CLVS1: variants seen among roughly 807,000 people sequenced by gnomAD.
The protein encoded by CLVS1 is clavesin 1.
In CLVS1, 10 loss-of-function variants were observed where a neutral mutation model predicts 33.1. The ratio of observed to expected loss-of-function variants is 0.30; its 90% CI spans 0.19 to 0.51. The LOEUF (loss-of-function observed/expected upper bound fraction) is 0.51, where lower values mean the gene tolerates loss of function less well. Ranked by LOEUF, CLVS1 falls within the 20% of genes least tolerant of loss-of-function variation. CLVS1 has a pLI of 0.97. For synonymous variants in CLVS1, 163 were observed against 166.1 expected (o/e 0.98, Z 0.14); for missense variants, 343 against 433.4 (o/e 0.79, Z 1.85).
chr8:61,092,976 A>G (rs536847443), intron 1 of CLVS1, among the ~76,000 whole-genome samples: 18 of 152,284 alleles, frequency 1.2e-4, no homozygotes, highest in African/African-American at 4.3e-4. Context: ...CATCCCAGAC[A>G]ACATGGGGGA....
At chr8:61,425,200 T>G (rs1815835850) in intron 3 of CLVS1, among the ~76,000 whole-genome samples, 1 of 152,220 alleles carries the variant, frequency 6.6e-6, no homozygotes, top group African/African-American at 2.4e-5. Context: ...ACACAAAATA[T>G]TTTTAATAAG....
chr8:61,309,694 C>T (rs73682217), intron 2 of CLVS1, among the ~76,000 whole-genome samples: 3,947 of 152,260 alleles, frequency 0.026, 167 homozygotes, highest in African/African-American at 0.089. Context: ...AAGACAGCAG[C>T]TTCTTCAAAT....
the CLVS1 span, among the ~76,000 whole-genome samples, chr8:60,974,198 T>C: frequency 3.9e-5 from 6 of 152,252 alleles, no homozygotes; most frequent in African/African-American, 1.4e-4. Flanking sequence ...AAATAGTTTT[T>C]TTTAAGCCTC....
At chr8:60,995,456 A>G in the CLVS1 span, among the ~76,000 whole-genome samples, 1 of 150,828 alleles carries the variant, frequency 6.6e-6, no homozygotes, top group Non-Finnish European at 1.5e-5. Context: ...TCAAAACCAC[A>G]ATGAGATACC....
chr8:61,440,930 T>C (rs1457758850), intron 3 of CLVS1, among the ~76,000 whole-genome samples: 2 of 152,196 alleles, frequency 1.3e-5, no homozygotes, highest in Non-Finnish European at 2.9e-5. Context: ...TTCTCTCTTA[T>C]GTTTGCTCTC....
chr8:61,367,843 A>G (rs1813275738), intron 2 of CLVS1, among the ~76,000 whole-genome samples: 1 of 152,226 alleles, frequency 6.6e-6, no homozygotes, highest in African/African-American at 2.4e-5. Context: ...ATTTCCATCT[A>G]CTGGCAGGAA....
chr8:61,254,383 A>G (rs1809025500), intron 2 of CLVS1, among the ~76,000 whole-genome samples: 1 of 152,140 alleles, frequency 6.6e-6, no homozygotes, highest in Non-Finnish European at 1.5e-5. Context: ...CCACTTGAGG[A>G]GGCAGTCTGT....
At chr8:61,256,680 C>T (rs73265486) in intron 2 of CLVS1, among the ~76,000 whole-genome samples, 3,102 of 151,250 alleles carry the variant, frequency 0.021, 143 homozygotes, top group African/African-American at 0.072. Flanking sequence ...AACTAACCTA[C>T]TCTTTATAGG....
At chr8:61,379,215 G>T (rs1457277520) in intron 3 of CLVS1, among the ~76,000 whole-genome samples, 1 of 152,184 alleles carries the variant, frequency 6.6e-6, no homozygotes, top group Non-Finnish European at 1.5e-5. Flanking sequence ...TCTAGAGTAG[G>T]TGTGAGAAAG....
chr8:61,293,332 T>G (rs1211264290), intron 1 of CLVS1, among the ~76,000 whole-genome samples: 2 of 152,156 alleles, frequency 1.3e-5, no homozygotes, highest in African/African-American at 4.8e-5. Context: ...CAGGGTCACT[T>G]TTTACCCACA....
the CLVS1 span, among the ~76,000 whole-genome samples, chr8:61,014,826 C>A: frequency 1.3e-5 from 2 of 152,226 alleles, no homozygotes; most frequent in Admixed American, 1.3e-4. Context: ...GCAAAATAAT[C>A]TTATCTCTGT....
At chr8:61,182,600 A>C (rs1181999628) in intron 2 of CLVS1, among the ~76,000 whole-genome samples, 1 of 152,236 alleles carries the variant, frequency 6.6e-6, no homozygotes. Flanking sequence ...ACTGATCATT[A>C]GAGAAATGCA....
At chr8:61,464,986 G>T (rs947590316) in intron 5 of CLVS1, 3 of 152,218 alleles carry the variant, frequency 2.0e-5, no homozygotes, top group African/African-American at 4.8e-5. Context: ...AGACCTTACA[G>T]GTCATCTCTT....
chr8:61,098,402 G>GATATATATATATATATATAT (rs59671943), intron 1 of CLVS1, among the ~76,000 whole-genome samples: 3 of 143,986 alleles, frequency 2.1e-5, no homozygotes, highest in Admixed American at 6.9e-5. Context: ...TAGGGAAACT[G>GATATATATATATATATATAT]ATATATATAT....
intron 2 of CLVS1, among the ~76,000 whole-genome samples, chr8:61,272,434 C>T (rs1458443235): frequency 3.3e-5 from 5 of 151,554 alleles, no homozygotes; most frequent in Non-Finnish European, 5.9e-5. Flanking sequence ...ACATTTTTTC[C>T]TTCATTTCAA....
chr8:61,260,273 A>T (rs1482994322), intron 2 of CLVS1, among the ~76,000 whole-genome samples: 1 of 152,192 alleles, frequency 6.6e-6, no homozygotes, highest in Non-Finnish European at 1.5e-5. Flanking sequence ...AAAGTGCTCA[A>T]GCTTGCTTAT....
At chr8:61,263,324 AT>A (rs1037233347) in intron 2 of CLVS1, among the ~76,000 whole-genome samples, 1 of 152,196 alleles carries the variant, frequency 6.6e-6, no homozygotes, top group African/African-American at 2.4e-5. Flanking sequence ...CAAATATACA[AT>A]TGTGGTTTAA....
At chr8:61,121,691 A>G (rs915397725) in intron 1 of CLVS1, among the ~76,000 whole-genome samples, 24 of 152,334 alleles carry the variant, frequency 1.6e-4, no homozygotes, top group African/African-American at 5.1e-4. Context: ...CATTTCAAGT[A>G]TGTTCTTTGC....
At chr8:61,186,542 C>T (rs373176470) in intron 2 of CLVS1, among the ~76,000 whole-genome samples, 1 of 152,138 alleles carries the variant, frequency 6.6e-6, no homozygotes, top group Non-Finnish European at 1.5e-5. Context: ...CAGGGCCAAT[C>T]AAACTGCCTT....
Sources: gnomAD v4.1 joint callset for allele counts (sites outside exome capture counted in the v4.1 genomes callset) on GRCh38, gnomAD v4.1.1 for gene constraint, MANE v1.5 for transcripts, NCBI Gene and HGNC (gene_info 2026-07-23, HGNC 2026-07-21) for gene names.